The following MLXIP variants were observed in gnomAD, a reference collection of about 807,000 sequenced individuals.
The protein encoded by MLXIP is MLX interacting protein.
Under a neutral mutation model 87.2 loss-of-function variants are expected in MLXIP, and 30 were observed. The observed-to-expected ratio is 0.34, with a 90% CI of 0.26 to 0.47. The LOEUF is 0.47. Among genes scored for constraint, MLXIP ranks in the 20% least tolerant of loss-of-function variants. MLXIP has a pLI of 1.00. For missense variants in MLXIP, 1,002 were observed against 1,240.1 expected (o/e 0.81, Z 2.88); for synonymous variants, 530 against 514.0 (o/e 1.03, Z -0.42).
At chr12:122,116,798 T>C (rs1254237876) in intron 1 of MLXIP, among the ~76,000 whole-genome samples, 3 of 152,148 alleles carry the variant, frequency 2.0e-5, no homozygotes, top group African/African-American at 7.2e-5. Context: ...TCCAGTGTGG[T>C]GGATGTGGTC....
chr12:122,093,530 G>A (rs922800283), intron 1 of MLXIP, among the ~76,000 whole-genome samples: 26 of 141,870 alleles, frequency 1.8e-4, no homozygotes, highest in African/African-American at 6.9e-4. Flanking sequence ...GAGGGTGTGT[G>A]TGTTGGTTTG....
At chr12:122,129,865 C>A in intron 5 of MLXIP, 76 bp from the exon 6 acceptor site, 1 of 1,539,448 alleles carries the variant, frequency 6.5e-7, no homozygotes, top group South Asian at 1.3e-5. Context: ...CGAATTTCCC[C>A]AGGTGACAGG....
chr12:122,106,187 G>A (rs1236336156), intron 1 of MLXIP, among the ~76,000 whole-genome samples: 4 of 152,204 alleles, frequency 2.6e-5, no homozygotes, highest in African/African-American at 9.7e-5. Flanking sequence ...TGGGCCAGAA[G>A]CCAAAGCTGC....
chr12:122,137,699 C>T lies in MLXIP; in HGVS notation c.2154+109C>T. On this transcript the variant is annotated intron_variant, in intron 12 of 16. Transcript: ENST00000319080. This position sits in a 1 kb window ranked among gnomAD's most constrained non-coding sequence, Gnocchi z 4.1. ...AGACCTCAGACCCAGCCAGAGCTGCCCAGGCAGGGGTGGATCAGAAATGGG... is the reference window on the plus strand; with the variant it reads ...AGACCTCAGACCCAGCCAGAGCTGCTCAGGCAGGGGTGGATCAGAAATGGG... 1 of 1,518,190 alleles carries T rather than the reference C, an allele frequency of 6.6e-7. No homozygotes were observed. Among genetic ancestry groups the T allele is most frequent in the Admixed American group, 1.9e-5 (1 of 52,632 alleles). The allele number at this position is 1,518,190 out of a possible 1,614,324, so 94.0% of individuals were successfully genotyped here. A position where few individuals can be genotyped will look rare whatever the true frequency, so the allele number is the denominator to read the frequency against.
chr12:122,096,783 C>T (rs543049319), intron 1 of MLXIP, among the ~76,000 whole-genome samples: 15 of 152,162 alleles, frequency 9.9e-5, no homozygotes, highest in Non-Finnish European at 1.5e-4. Flanking sequence ...GCGGTGTCCC[C>T]GAGGTGACTC....
At chr12:122,091,738 G>T (rs2135905644) in intron 1 of MLXIP, among the ~76,000 whole-genome samples, 1 of 152,328 alleles carries the variant, frequency 6.6e-6, no homozygotes, top group South Asian at 2.1e-4. Flanking sequence ...ATCAACTGCA[G>T]TTGACTTGGT....
At chr12:122,102,436 A>C (rs1346198913) in intron 1 of MLXIP, among the ~76,000 whole-genome samples, 2 of 152,188 alleles carry the variant, frequency 1.3e-5, no homozygotes, top group Admixed American at 6.5e-5. Context: ...GAGCATCGAG[A>C]TCCATTCCCT....
rs142351716 is a variant in MLXIP, at chr12:122,146,505, A to T, written c.*4693A>T. The T allele has an allele frequency of 6.6e-6, 1 of 152,266 alleles. No individual in the cohort carries two copies. The highest frequency in any genetic ancestry group is 1.5e-5 in the Non-Finnish European group (1 of 68,068). 9.4% of individuals were successfully genotyped at this position (152,266 alleles called of 1,614,324 possible). ...GAGCAGCTGTGGGCTTTTCATTCTG[A>T]GGTCTTGGCCCCCCTGGCCACCGCA... On this transcript the variant is annotated 3_prime_UTR_variant, in exon 17 of 17. Transcript: ENST00000319080.
Position 122,078,969 on chromosome 12 carries a change from C to G in MLXIP, c.116C>G (p.Ser39Cys), listed in dbSNP as rs779689234. ...GACGACTCGGACACGGATGAGCCGTCCCCGCCGCCCGCCTCCGGCGCGGCC... is the reference window on the plus strand; with the variant it reads ...GACGACTCGGACACGGATGAGCCGTGCCCGCCGCCCGCCTCCGGCGCGGCC... ...DDDDSDTDEP[S>C]PPPASGAATP... Residue 39 changes from serine to cysteine, a missense_variant, in exon 1 of 17, where the codon TCC becomes TGC. By Grantham distance (112) the Ser-to-Cys change is moderately radical (BLOSUM62 -1). Transcript: ENST00000319080. 99 of 1,090,114 alleles carry G rather than the reference C, an allele frequency of 9.1e-5. No homozygotes were observed. Among genetic ancestry groups the G allele is most frequent in the Non-Finnish European group, 9.2e-5 (82 of 893,434 alleles). The allele number at this position is 1,090,114 out of a possible 1,614,324, so 67.5% of individuals were successfully genotyped here.
chr12:122,131,785 G>A (rs904390551), intron 7 of MLXIP, among the ~76,000 whole-genome samples: 5 of 151,938 alleles, frequency 3.3e-5, no homozygotes, highest in African/African-American at 1.2e-4. Flanking sequence ...CTGGAGTGCA[G>A]TGGCAAGAAC....
chr12:122,118,218 G>C (rs1458624458), intron 1 of MLXIP, among the ~76,000 whole-genome samples: 1 of 152,114 alleles, frequency 6.6e-6, no homozygotes, highest in Admixed American at 6.5e-5. Flanking sequence ...GCGGTACGGC[G>C]TGAGATTTTG....
chr12:122,103,496 A>G (rs1252101899), intron 1 of MLXIP, among the ~76,000 whole-genome samples: 3 of 146,342 alleles, frequency 2.0e-5, no homozygotes, highest in African/African-American at 7.6e-5. Flanking sequence ...TGCTGAGATT[A>G]CAGGCATGAA....
chr12:122,115,879 C>A (rs1217624291), intron 1 of MLXIP, among the ~76,000 whole-genome samples: 1 of 152,042 alleles, frequency 6.6e-6, no homozygotes, highest in Non-Finnish European at 1.5e-5. Context: ...ATGGCAAAAC[C>A]CTGTCTCTAC....
At chr12:122,100,438 G>C (rs1271375844) in intron 1 of MLXIP, among the ~76,000 whole-genome samples, 1 of 152,182 alleles carries the variant, frequency 6.6e-6, no homozygotes, top group African/African-American at 2.4e-5. Context: ...ATGGGAAGTA[G>C]AAATCTGTCT....
Position 122,133,887 on chromosome 12 carries a change from A to G in MLXIP, c.1632A>G (p.Val544=), listed in dbSNP as rs569966150. The G allele has an allele frequency of 6.2e-7, 1 of 1,611,578 alleles. No homozygotes were observed. The highest frequency in any genetic ancestry group is 1.3e-5 in the African/African-American group (1 of 74,992). Residue 544 remains valine, a synonymous_variant, in exon 9 of 17, where the codon GTA becomes GTG. Transcript: ENST00000319080. The surrounding 1 kb of genome is among the most constrained non-coding windows in gnomAD (Gnocchi z 4.9). The part of the protein sequence containing the change: ...PRLTFVHPKP[V]SLTGGRPKQP... ...TAACTTTTGTGCACCCCAAACCTGT[A>G]TCCTTGACTGGGGGCAGGCCTAAGC...
chr12:122,143,056 C>T lies in MLXIP; in HGVS notation c.*1244C>T, dbSNP rs564505905. 6.6e-6 allele frequency: 1 copy of T among 152,660 alleles called. No homozygotes were observed. Among genetic ancestry groups the T allele is most frequent in the South Asian group, 2.1e-4 (1 of 4,836 alleles). 9.5% of individuals were successfully genotyped at this position (152,660 alleles called of 1,614,324 possible). On this transcript the variant is annotated 3_prime_UTR_variant, in exon 17 of 17. Transcript: ENST00000319080. ...CTGCAGGGAGCTGCAGGGGCAAGCA[C>T]TCTCTCCAGCACTCAGGAAGCCCGG...
At chr12:122,099,880 T>G (rs1952411764) in intron 1 of MLXIP, among the ~76,000 whole-genome samples, 1 of 152,142 alleles carries the variant, frequency 6.6e-6, no homozygotes, top group Admixed American at 6.5e-5. Context: ...GAAAGGTGTT[T>G]GTAGTGAGAA....
At chr12:122,082,336 C>T (rs185525584) in intron 1 of MLXIP, among the ~76,000 whole-genome samples, 4 of 152,310 alleles carry the variant, frequency 2.6e-5, no homozygotes, top group South Asian at 2.1e-4. Context: ...TGCCTTTCCC[C>T]GAGGCAAACC....
At chr12:122,129,792 G>A in intron 5 of MLXIP, 149 bp from the exon 6 acceptor site, 3 of 1,285,380 alleles carry the variant, frequency 2.3e-6, no homozygotes, top group Non-Finnish European at 2.2e-6. Flanking sequence ...TGGGTGGGCT[G>A]GAGGGAGCCG....
Sources: gnomAD v4.1 joint callset for allele counts (sites outside exome capture counted in the v4.1 genomes callset) on GRCh38, gnomAD v4.1.1 for gene constraint, Gnocchi (gnomAD v3.1) non-coding constraint, MANE v1.5 for transcripts, NCBI Gene and HGNC (gene_info 2026-07-23, HGNC 2026-07-21) for gene names.